The following RABGAP1L variants were observed in gnomAD, a reference collection of about 807,000 sequenced individuals.
RABGAP1L encodes RAB GTPase activating protein 1 like.
Under a neutral mutation model 137.7 loss-of-function variants are expected in RABGAP1L, and 63 were observed. The ratio of observed to expected loss-of-function variants is 0.46; its 90% CI spans 0.37 to 0.56. RABGAP1L has a LOEUF of 0.56. Among genes scored for constraint, RABGAP1L ranks in the 20% least tolerant of loss-of-function variants. The pLI is 0.00. For missense variants in RABGAP1L, 1,095 were observed against 1,244.0 expected (o/e 0.88, Z 1.80); for synonymous variants, 431 against 433.7 (o/e 0.99, Z 0.08).
chr1:174,207,316 T>C (rs1186749000), intron 1 of RABGAP1L, among the ~76,000 whole-genome samples: 1 of 152,208 alleles, frequency 6.6e-6, no homozygotes, highest in Non-Finnish European at 1.5e-5. Context: ...ACTAGAACAG[T>C]GAGCTTCATA....
At chr1:174,496,617 A>G (rs184521337) in intron 13 of RABGAP1L, among the ~76,000 whole-genome samples, 5 of 152,316 alleles carry the variant, frequency 3.3e-5, no homozygotes, top group Admixed American at 1.3e-4. Context: ...CAGGATATTT[A>G]GTGACCAGGT....
At chr1:174,546,164 C>G (rs1417947285) in intron 13 of RABGAP1L, among the ~76,000 whole-genome samples, 1 of 152,082 alleles carries the variant, frequency 6.6e-6, no homozygotes, top group Admixed American at 6.5e-5. Flanking sequence ...TTAAGCTGCT[C>G]TAAAGTTGGG....
intron 13 of RABGAP1L, among the ~76,000 whole-genome samples, chr1:174,394,650 A>G (rs1017881027): frequency 2.0e-5 from 3 of 152,200 alleles, no homozygotes; most frequent in African/African-American, 7.2e-5. Flanking sequence ...GTTTTAGAGC[A>G]TAAGTAAAGG....
intron 13 of RABGAP1L, among the ~76,000 whole-genome samples, chr1:174,588,474 T>G (rs1021963777): frequency 2.0e-5 from 3 of 152,198 alleles, no homozygotes; most frequent in Non-Finnish European, 4.4e-5. Context: ...CCGGCCTAGT[T>G]ATTTTTAAAT....
Position 174,931,706 on chromosome 1 carries a change from C to T in RABGAP1L, c.2341-25751C>T, listed in dbSNP as rs190998161. ...TAGATGTGCATTTACCACTTGCCAT[C>T]GGTCTTCTGTGCACTAAAGAAAGCA... On this transcript the variant is annotated intron_variant, in intron 19 of 25. Transcript: ENST00000681986. Among the ~76,000 whole-genome samples, 8 of 152,268 alleles carry T rather than the reference C, an allele frequency of 5.3e-5. No individual in the cohort carries two copies. In the East Asian group the frequency reaches 7.7e-4, roughly 15 times the overall value.
At chr1:174,668,717 G>A (rs188363453) in intron 14 of RABGAP1L, among the ~76,000 whole-genome samples, 13 of 152,074 alleles carry the variant, frequency 8.5e-5, no homozygotes, top group African/African-American at 2.4e-4. Context: ...ACTAATTTAC[G>A]TTCCCACCAA....
At chr1:174,162,749 ATTTCT>A (rs1167456710) in intron 1 of RABGAP1L, among the ~76,000 whole-genome samples, 2 of 35,580 alleles carry the variant, frequency 5.6e-5, no homozygotes, top group African/African-American at 1.9e-4. Flanking sequence ...AGGTGCTGGT[ATTTCT>A]TTTTTTTTTT....
chr1:174,197,866 C>T (rs936918993), intron 1 of RABGAP1L, among the ~76,000 whole-genome samples: 2 of 151,990 alleles, frequency 1.3e-5, no homozygotes, highest in African/African-American at 4.8e-5. Flanking sequence ...ATGTAGCTGA[C>T]ACCTTTTCAT....
intron 3 of RABGAP1L, among the ~76,000 whole-genome samples, chr1:174,222,787 A>G (rs1293949461): frequency 3.3e-5 from 5 of 152,180 alleles, no homozygotes; most frequent in Admixed American, 2.6e-4. Flanking sequence ...AAAAAGTGAA[A>G]AAATTCTCAT....
At position 174,926,764 on chromosome 1, in the gene RABGAP1L, A is replaced by G. The variant is rs577643845; in HGVS notation, c.2341-30693A>G. On this transcript the variant is annotated intron_variant, in intron 19 of 25. Coordinates refer to ENST00000681986, the MANE Select transcript of RABGAP1L (RefSeq NM_001366446.1). Reference sequence around the variant, plus strand: ...TATTACATCATCTTACGGCATCAACAGTAACTTCTCTGTTAAAAGGGCCAT... The same window carrying G: ...TATTACATCATCTTACGGCATCAACGGTAACTTCTCTGTTAAAAGGGCCAT... 4.6e-5 allele frequency among the ~76,000 whole-genome samples: 7 copies of G among 152,216 alleles called. No individual in the cohort carries two copies. In the East Asian group the frequency reaches 1.2e-3, roughly 25 times the overall value.
At chr1:174,821,076 C>A (rs1434919285) in intron 19 of RABGAP1L, among the ~76,000 whole-genome samples, 2 of 151,772 alleles carry the variant, frequency 1.3e-5, no homozygotes, top group Non-Finnish European at 2.9e-5. Flanking sequence ...CGCAGCAAAA[C>A]CATGCCAATT....
intron 1 of RABGAP1L, among the ~76,000 whole-genome samples, chr1:174,182,381 C>T (rs1241769272): frequency 6.6e-6 from 1 of 152,136 alleles, no homozygotes; most frequent in Non-Finnish European, 1.5e-5. Flanking sequence ...ATTTCTAAGT[C>T]GAAATGGTTC....
chr1:174,749,320 TTTTC>T (rs766912523), intron 17 of RABGAP1L, among the ~76,000 whole-genome samples: 2 of 151,996 alleles, frequency 1.3e-5, no homozygotes, highest in Non-Finnish European at 2.9e-5. Flanking sequence ...TTTTCTGTTC[TTTTC>T]TTTCTTTCTT....
At chr1:174,636,113 A>G (rs1051895603) in intron 13 of RABGAP1L, among the ~76,000 whole-genome samples, 5 of 152,202 alleles carry the variant, frequency 3.3e-5, no homozygotes, top group African/African-American at 1.2e-4. Context: ...TAAAAAGATA[A>G]ACATTTCTAG....
At chr1:174,830,963 A>C (rs1481590803) in intron 19 of RABGAP1L, among the ~76,000 whole-genome samples, 1 of 147,986 alleles carries the variant, frequency 6.8e-6, no homozygotes, top group Non-Finnish European at 1.5e-5. Flanking sequence ...ATACATCAGA[A>C]AGGTGGGTTT....
At chr1:174,520,137 G>A (rs746890954) in intron 13 of RABGAP1L, among the ~76,000 whole-genome samples, 10 of 152,124 alleles carry the variant, frequency 6.6e-5, no homozygotes, top group Non-Finnish European at 1.3e-4. Context: ...GAGCCCTGCC[G>A]AAATGGTTCT....
chr1:174,915,749 C>A (rs1286627227), intron 19 of RABGAP1L, among the ~76,000 whole-genome samples: 1 of 152,214 alleles, frequency 6.6e-6, no homozygotes, highest in Non-Finnish European at 1.5e-5. Context: ...GCCACCACTC[C>A]CAGCCTTTGC....
chr1:174,632,305 TTC>T (rs1673468791), intron 13 of RABGAP1L, among the ~76,000 whole-genome samples: 1 of 149,546 alleles, frequency 6.7e-6, no homozygotes, highest in South Asian at 2.1e-4. Context: ...AACCCGACCT[TTC>T]TCTCTGGCTG....
intron 19 of RABGAP1L, among the ~76,000 whole-genome samples, chr1:174,813,712 T>G (rs1008368982): frequency 5.3e-5 from 8 of 152,232 alleles, no homozygotes; most frequent in African/African-American, 1.9e-4. Context: ...ACTGATTGTT[T>G]TATTTGGCCA....
Sources: allele counts gnomAD v4.1 joint callset (sites outside exome capture counted in the v4.1 genomes callset), GRCh38; gene constraint gnomAD v4.1.1; transcripts MANE v1.5; gene names NCBI Gene and HGNC (gene_info 2026-07-23, HGNC 2026-07-21).